The following MPV17 variants were observed in gnomAD, a reference collection of about 807,000 sequenced individuals.
MPV17 encodes MPV17, mitochondrial inner membrane protein.
A neutral mutation model predicts 28.6 loss-of-function variants in MPV17; 31 were observed. The observed-to-expected ratio is 1.08, with a 90% confidence interval of 0.81 to 1.46. MPV17 has a LOEUF of 1.46. MPV17 is among the 40% of genes most tolerant of loss of function. The pLI is 0.00. For missense variants in MPV17, 198 were observed against 216.2 expected (o/e 0.92, Z 0.53); for synonymous variants, 87 against 85.3 (o/e 1.02, Z -0.11).
rs1256522230 is a variant in MPV17, at chr2:27,312,515, G to A, written c.354C>T (p.Asp118=). The part of the protein sequence containing the change: ...VGALNGLSAQ[D]NWAKLQRDYP... Reference sequence around the variant, plus strand: ...TCACCCGCTGTAGTTTGGCCCAGTTGTCCTGGGCTGACAGTCCATTAAGTG... The same window carrying A: ...TCACCCGCTGTAGTTTGGCCCAGTTATCCTGGGCTGACAGTCCATTAAGTG... Residue 118 remains aspartate (D), a synonymous_variant, in exon 5 of 8, where the codon GAC becomes GAT. Transcript: ENST00000380044. 6.2e-7 allele frequency: 1 copy of A among 1,614,124 alleles called. No individual in the cohort carries two copies. Among genetic ancestry groups the A allele is most frequent in the Non-Finnish European group, 8.5e-7 (1 of 1,179,954 alleles).
At chr2:27,312,166 T>C in intron 6 of MPV17, 48 bp downstream of exon 6, 1 of 1,600,390 alleles carries the variant, frequency 6.2e-7, no homozygotes, top group Non-Finnish European at 8.6e-7. Flanking sequence ...AGGACAGTTC[T>C]AGACTTAAGG....
Position 27,312,538 on chromosome 2 carries a change from G to C in MPV17, c.331C>G (p.Leu111Val). The C allele has an allele frequency of 2.5e-5, 41 of 1,614,164 alleles. No individual in the cohort carries two copies. Among genetic ancestry groups the C allele is most frequent in the Non-Finnish European group, 3.5e-5 (41 of 1,179,992 alleles). The change falls in exon 5 of 8, where the codon CTT becomes GTT. Residue 111 changes from leucine (L) to valine (V), a missense_variant. By Grantham distance (32) the Leu-to-Val change is conservative. Transcript: ENST00000380044. ...LGCFLPLVGA[L>V]NGLSAQDNWA... ...TTGTCCTGGGCTGACAGTCCATTAA[G>C]TGCCCCTACCAGTGGGAGAAAGCAG... is the stretch of plus-strand genomic sequence containing the variant.
intron 2 of MPV17, among the ~76,000 whole-genome samples, chr2:27,320,503 A>C (rs1679818903): frequency 6.6e-6 from 1 of 151,864 alleles, no homozygotes; most frequent in Non-Finnish European, 1.5e-5. Context: ...TACCCGGCTA[A>C]TTTTGTATTT....
In MPV17 at chr2:27,316,221, C is replaced by G. The variant is rs538416344; in HGVS notation, c.71-3112G>C. The G allele has an allele frequency of 6.5e-6, 10 of 1,550,340 alleles. No homozygotes were observed. In the East Asian group the frequency reaches 2.2e-4, roughly 34 times the overall value. On this transcript the variant is annotated intron_variant, in intron 2 of 7. Coordinates refer to ENST00000380044, the MANE Select transcript of MPV17 (RefSeq NM_002437.5). ...AAACAGAGAAGTGTGTGTTTTCACT[C>G]TTCATGACTTGCCAACAGTCACACA... is the stretch of plus-strand genomic sequence containing the variant.
intron 1 of MPV17, 69 bp from the exon 2 acceptor site, chr2:27,322,591 TC>T (rs1572555372): frequency 7.7e-7 from 1 of 1,295,286 alleles, no homozygotes; most frequent in East Asian, 2.3e-5. Flanking sequence ...CGCCTGACAT[TC>T]CCTTGTGCCC....
chr2:27,319,289 A>G (rs1264264182), intron 2 of MPV17, among the ~76,000 whole-genome samples: 1 of 151,830 alleles, frequency 6.6e-6, no homozygotes, highest in African/African-American at 2.4e-5. Flanking sequence ...GGCAAGTGGA[A>G]CAAACCTAAC....
In MPV17 at chr2:27,322,511, G is replaced by A; in HGVS notation, c.7C>T (p.Leu3Phe). The A allele has an allele frequency of 6.2e-7, 1 of 1,613,964 alleles. No individual in the cohort carries two copies. Among genetic ancestry groups the A allele is most frequent in the Non-Finnish European group, 8.5e-7 (1 of 1,180,024 alleles). ...AGGGCCCGCTGGTATGCCCGCCAGA[G>A]TGCCATGCTTCCTGTCAAGCCAAGA... MA[L>F]WRAYQRALAA... Residue 3 changes from leucine (L) to phenylalanine (F), a missense_variant, in exon 2 of 8, where the codon CTC becomes TTC. By Grantham distance (22) the Leu-to-Phe change is conservative. Transcript: ENST00000380044.
In MPV17 at chr2:27,309,921, A is replaced by T; in HGVS notation, c.522T>A (p.His174Gln). ...ATGGAGTGAGGCAGGCTTAGAGCCG[A>T]TGTGCCTTCCAGGACAGGTAGGAGT... ...IWNSYLSWKA[H>Q]RL The change falls in exon 8 of 8, where the codon CAT becomes CAA. Residue 174 changes from histidine to glutamine, a missense_variant. Transcript: ENST00000380044. 1 of 1,613,874 alleles carries T rather than the reference A, an allele frequency of 6.2e-7. No individual in the cohort carries two copies.
chr2:27,311,614 G>C, intron 7 of MPV17: 1 of 1,550,564 alleles, frequency 6.4e-7, no homozygotes, highest in Non-Finnish European at 8.7e-7. Flanking sequence ...TGTCCCTCCA[G>C]ATATGCCATC....
chr2:27,313,078 T>A lies in MPV17; in HGVS notation c.102A>T (p.Ser34=), dbSNP rs368254758. ...GACCCCGCCTCTCCACCAGCTGCTG[T>A]GAGATAATGTCACCCAGGCCCATCA... The part of the protein sequence containing the change: ...GSLMGLGDII[S]QQLVERRGLQ... The change falls in exon 3 of 8, where the codon TCA becomes TCT. Residue 34 remains serine, a synonymous_variant. Coordinates refer to ENST00000380044, the MANE Select transcript of MPV17 (RefSeq NM_002437.5). 1.2e-6 allele frequency: 2 copies of A among 1,612,014 alleles called. No homozygotes were observed. The highest frequency in any genetic ancestry group is 1.7e-6 in the Non-Finnish European group (2 of 1,178,100).
chr2:27,311,636 T>C, intron 7 of MPV17: 6 of 1,550,436 alleles, frequency 3.9e-6, no homozygotes, highest in Non-Finnish European at 5.2e-6. Flanking sequence ...AAGACGGAGC[T>C]CAGGTGGGAT....
intron 7 of MPV17, 141 bp from the exon 8 acceptor site, chr2:27,310,122 T>G: frequency 2.7e-6 from 2 of 735,994 alleles, no homozygotes; most frequent in Non-Finnish European, 4.9e-6. Context: ...CACCTTTTTT[T>G]TGAGATGGAG....
At chr2:27,319,087 GTT>G in intron 2 of MPV17, among the ~76,000 whole-genome samples, 1 of 152,174 alleles carries the variant, frequency 6.6e-6, no homozygotes, top group South Asian at 2.1e-4. Context: ...ATTTCAAAAA[GTT>G]TCTCAGTTCC....
chr2:27,311,695 G>A (rs1045029159), intron 7 of MPV17: 1 of 1,551,054 alleles, frequency 6.4e-7, no homozygotes, highest in Non-Finnish European at 8.7e-7. Context: ...GATGAAGAAG[G>A]TCAGTGGGCA....
At chr2:27,320,760 T>C (rs756970893) in intron 2 of MPV17, among the ~76,000 whole-genome samples, 2 of 152,262 alleles carry the variant, frequency 1.3e-5, no homozygotes, top group Non-Finnish European at 2.9e-5. Context: ...CTGAAATCTC[T>C]GTACTGTTTT....
At chr2:27,318,773 T>C (rs1679750585) in intron 2 of MPV17, among the ~76,000 whole-genome samples, 1 of 150,328 alleles carries the variant, frequency 6.7e-6, no homozygotes, top group Admixed American at 6.6e-5. Context: ...TTTTCTTTTC[T>C]TTTTTTTTGG....
chr2:27,309,899 G>T lies in MPV17; in HGVS notation c.*13C>A, dbSNP rs756120491. 1.3e-5 allele frequency: 21 copies of T among 1,609,962 alleles called. No homozygotes were observed. In the East Asian group the frequency reaches 4.2e-4, roughly 32 times the overall value. ...GCATCACTGCAAGGTGGAAACGATG[G>T]AGTGAGGCAGGCTTAGAGCCGATGT... On this transcript the variant is annotated 3_prime_UTR_variant, in exon 8 of 8. Transcript: ENST00000380044.
chr2:27,312,442 C>T (rs182015952), intron 5 of MPV17, 52 bp downstream of exon 5: 10 of 1,578,402 alleles, frequency 6.3e-6, no homozygotes, highest in African/African-American at 1.3e-5. Context: ...TCTTCTTCCC[C>T]TGGGCTGTCA....
At chr2:27,310,348 G>A (rs531621683) in intron 7 of MPV17, among the ~76,000 whole-genome samples, 11 of 152,178 alleles carry the variant, frequency 7.2e-5, no homozygotes, top group East Asian at 3.9e-4. Context: ...CACCCACCTC[G>A]GCCTCCCAAA....
Sources: gnomAD v4.1 joint callset for allele counts (sites outside exome capture counted in the v4.1 genomes callset) on GRCh38, gnomAD v4.1.1 for gene constraint, MANE v1.5 for transcripts, NCBI Gene and HGNC (gene_info 2026-07-23, HGNC 2026-07-21) for gene names.